Variants in PCDHA8 observed in about 807,000 individuals in gnomAD.
PCDHA8 encodes the protein protocadherin alpha-8.
PCDHA8 carries 53 observed loss-of-function variants against 61.8 expected under a neutral mutation model. The ratio of observed to expected loss-of-function variants is 0.86; its 90% CI spans 0.69 to 1.08. The LOEUF (loss-of-function observed/expected upper bound fraction) is 1.08. PCDHA8 is among the 50% of genes least tolerant of loss of function. PCDHA8 has a pLI of 0.00. For synonymous variants in PCDHA8, 618 were observed against 556.6 expected (o/e 1.11, Z -1.55); for missense variants, 1,293 against 1,245.0 (o/e 1.04, Z -0.58).
At chr5:140,857,399 G>C (rs375062704) in intron 1 of PCDHA8, 4 of 1,598,394 alleles carry the variant, frequency 2.5e-6, no homozygotes, top group Admixed American at 3.4e-5. Flanking sequence ...GAACGACAAC[G>C]CGCCTGCGTT....
intron 1 of PCDHA8, chr5:140,857,559 C>G (rs550275293): frequency 2.5e-6 from 4 of 1,596,876 alleles, no homozygotes; most frequent in Non-Finnish European, 3.4e-6. Context: ...CGCTCGCTGT[C>G]GAGCTACGTG....
At position 140,943,494 on chromosome 5, in the gene PCDHA8, A is replaced by G. The variant is rs1046059269; in HGVS notation, c.2395-35455A>G. ...TACAGTAAAATAATAAATAGATGCT[A>G]TCAAGGTTCATGGAAATGTTGAGTT... is the stretch of plus-strand genomic sequence containing the variant. On this transcript the variant is annotated intron_variant, in intron 1 of 3. Transcript: ENST00000531613. Among the ~76,000 whole-genome samples, 4 of 152,132 alleles carry G rather than the reference A, an allele frequency of 2.6e-5. No homozygotes were observed. The East Asian group carries it at 5.8e-4, about 22-fold the overall frequency.
intron 3 of PCDHA8, among the ~76,000 whole-genome samples, chr5:140,987,383 G>A (rs2097252098): frequency 6.6e-6 from 1 of 152,138 alleles, no homozygotes; most frequent in Admixed American, 6.5e-5. Flanking sequence ...GGGTCAGAAT[G>A]CATGCAAGGA....
At chr5:140,894,414 C>A (rs1554186083) in intron 1 of PCDHA8, among the ~76,000 whole-genome samples, 2 of 151,928 alleles carry the variant, frequency 1.3e-5, no homozygotes, top group African/African-American at 4.8e-5. Flanking sequence ...TCTTTTGTAG[C>A]TAACACTCCT....
chr5:140,877,173 G>A (rs1292615979), intron 1 of PCDHA8: 3 of 1,613,710 alleles, frequency 1.9e-6, no homozygotes, highest in Non-Finnish European at 2.5e-6. Flanking sequence ...CACTGCTGGC[G>A]ACTCCGGCTG....
chr5:140,970,847 C>A (rs2096437224), intron 1 of PCDHA8, among the ~76,000 whole-genome samples: 1 of 149,802 alleles, frequency 6.7e-6, no homozygotes, highest in Non-Finnish European at 1.5e-5. Context: ...TGCACAGGCA[C>A]AAAAGTTCCA....
intron 1 of PCDHA8, among the ~76,000 whole-genome samples, chr5:140,880,775 ATGTT>A (rs1320602954): frequency 6.6e-6 from 1 of 152,230 alleles, no homozygotes; most frequent in Admixed American, 6.5e-5. Context: ...GCTAAAAAGA[ATGTT>A]AGAGGAGTAA....
At chr5:140,944,406 C>A (rs1003379783) in intron 1 of PCDHA8, among the ~76,000 whole-genome samples, 1 of 152,084 alleles carries the variant, frequency 6.6e-6, no homozygotes, top group Non-Finnish European at 1.5e-5. Context: ...AGGCTGGTCT[C>A]GAACTCCTGA....
rs1053953271 is a variant in PCDHA8 at position 140,853,589 on chromosome 5, C to G, written c.2394+9874C>G. 1.4e-5 allele frequency: 14 copies of G among 986,246 alleles called. 3 individuals are homozygous for G. The highest frequency in any genetic ancestry group is 1.7e-5 in the Non-Finnish European group (14 of 818,496). 61.1% of individuals were successfully genotyped at this position (986,246 alleles called of 1,614,324 possible). A position where few individuals can be genotyped will look rare whatever the true frequency, so the allele number is the denominator to read the frequency against. The stretch of plus-strand genomic sequence containing the variant: ...AAGTTGTCACCCAATATCTTAGACA[C>G]TTTGAGAGCAAAGGGGGTGCTGTAA... On this transcript the variant is annotated intron_variant, in intron 1 of 3. Coordinates refer to ENST00000531613, the MANE Select transcript of PCDHA8 (RefSeq NM_018911.3).
chr5:140,932,704 A>G (rs1365268266), intron 1 of PCDHA8, among the ~76,000 whole-genome samples: 1 of 151,932 alleles, frequency 6.6e-6, no homozygotes, highest in Non-Finnish European at 1.5e-5. Context: ...ACTCATATAG[A>G]CAACACAATA....
chr5:140,940,494 G>C (rs553813143), intron 1 of PCDHA8, among the ~76,000 whole-genome samples: 1 of 151,724 alleles, frequency 6.6e-6, no homozygotes, highest in East Asian at 1.9e-4. Context: ...GACAAGTCTT[G>C]CTCCGTCGCT....
rs140711682 is a variant in PCDHA8, at chr5:140,849,699, A to T, written c.2394+5984A>T. On this transcript the variant is annotated intron_variant, in intron 1 of 3. Coordinates refer to ENST00000531613, the MANE Select transcript of PCDHA8 (RefSeq NM_018911.3). ...CCCCTTCAAGCTGGTGTCCACCTACAAGAATTACTACTCGTTGGTGCTGGA... is the reference window on the plus strand; with the variant it reads ...CCCCTTCAAGCTGGTGTCCACCTACTAGAATTACTACTCGTTGGTGCTGGA... 57 of 1,598,608 alleles carry T rather than the reference A, an allele frequency of 3.6e-5. 2 individuals carry two copies. The African/African-American group carries it at 7.7e-4, about 21-fold the overall frequency.
At chr5:140,882,404 G>A in intron 1 of PCDHA8, 1 of 1,614,152 alleles carries the variant, frequency 6.2e-7, no homozygotes. Context: ...CACCTTCGTG[G>A]GCCGCATCGC....
chr5:140,969,450 G>GTA (rs782343162), intron 1 of PCDHA8: 4 of 1,511,552 alleles, frequency 2.6e-6, no homozygotes, highest in Non-Finnish European at 3.6e-6. Flanking sequence ...GGTAAACTGA[G>GTA]TATATATAGT....
At chr5:140,930,902 T>C (rs1474835953) in intron 1 of PCDHA8, among the ~76,000 whole-genome samples, 1 of 152,212 alleles carries the variant, frequency 6.6e-6, no homozygotes, top group Non-Finnish European at 1.5e-5. Flanking sequence ...TTTAACTTAC[T>C]TTTCTACTTT....
intron 1 of PCDHA8, chr5:140,863,366 C>T (rs1408958867): frequency 6.7e-6 from 8 of 1,190,328 alleles, no homozygotes; most frequent in African/African-American, 4.6e-5. Flanking sequence ...CGGTGCTTGG[C>T]GCAGCTCACC....
At chr5:140,849,566 T>C in intron 1 of PCDHA8, 2 of 1,598,556 alleles carry the variant, frequency 1.3e-6, no homozygotes, top group Non-Finnish European at 1.7e-6. Flanking sequence ...CGCTCTCGGT[T>C]CCTGTAAAAG....
At chr5:140,982,092 G>A (rs984553109) in intron 2 of PCDHA8, among the ~76,000 whole-genome samples, 1 of 152,218 alleles carries the variant, frequency 6.6e-6, no homozygotes, top group African/African-American at 2.4e-5. Context: ...CTAGGAACAA[G>A]AGAACCTGCA....
intron 1 of PCDHA8, chr5:140,876,400 T>G: frequency 1.2e-6 from 2 of 1,613,928 alleles, no homozygotes; most frequent in Non-Finnish European, 1.7e-6. Context: ...TGAACTGGAT[T>G]TTGAAGAGAA....
Sources: gnomAD v4.1 joint callset for allele counts (sites outside exome capture counted in the v4.1 genomes callset) on GRCh38, gnomAD v4.1.1 for gene constraint, MANE v1.5 for transcripts, NCBI Gene and HGNC (gene_info 2026-07-23, HGNC 2026-07-21) for gene names.